The following CISD3 variants were observed in gnomAD, a reference collection of about 807,000 sequenced individuals.
CISD3 encodes the protein CDGSH iron sulfur domain 3, also known as CDGSH iron-sulfur domain-containing protein 3, mitochondrial.
In CISD3, 11 loss-of-function variants were observed where a neutral mutation model predicts 14.1. The ratio of observed to expected loss-of-function variants is 0.78; its 90% CI spans 0.49 to 1.29. The LOEUF (loss-of-function observed/expected upper bound fraction) is 1.29, where lower values mean the gene tolerates loss of function less well. Ranked by LOEUF, CISD3 falls within the 50% of genes most tolerant of loss-of-function variation. The pLI, the probability that CISD3 is intolerant of heterozygous loss-of-function variation, is 0.00. For synonymous variants in CISD3, 53 were observed against 69.2 expected (o/e 0.77, Z 1.16); for missense variants, 156 against 171.6 (o/e 0.91, Z 0.51).
At chr17:38,731,560 G>T in intron 3 of CISD3, 121 bp downstream of exon 3, 1 of 1,358,072 alleles carries the variant, frequency 7.4e-7, no homozygotes, top group Non-Finnish European at 1.0e-6. Flanking sequence ...CACCAAGGGG[G>T]CTTGGGAACA....
At position 38,735,591 on chromosome 17, in the gene CISD3, G is replaced by C; in HGVS notation, c.*2136G>C. 1 of 1,570,938 alleles carries C rather than the reference G, an allele frequency of 6.4e-7. No individual in the cohort carries two copies. The highest frequency in any genetic ancestry group is 1.2e-5 in the South Asian group (1 of 86,024). On this transcript the variant is annotated 3_prime_UTR_variant, in exon 4 of 4. Coordinates refer to ENST00000613478, the MANE Select transcript of CISD3 (RefSeq NM_001136498.2). ...GGCTGGACACGGTACTTGAGGGGGA[G>C]AGGCCCGTTCTGCGGGGAGAGTGGG...
rs1906507917 is a variant in CISD3 at position 38,734,334 on chromosome 17, C to G, written c.*879C>G. 6.6e-6 allele frequency: 1 copy of G among 152,468 alleles called. No individual in the cohort carries two copies. Among genetic ancestry groups the G allele is most frequent in the Admixed American group, 6.6e-5 (1 of 15,256 alleles). The allele number at this position is 152,468 out of a possible 1,614,324, so 9.4% of individuals were successfully genotyped here. ...GTGCTTGTGTGAGGTTAACCCACCC[C>G]CACTTCCACTCTAGGCCCCAGGTGA... On this transcript the variant is annotated 3_prime_UTR_variant, in exon 4 of 4. Transcript: ENST00000613478.
rs770456452 is a variant in CISD3 at position 38,733,287 on chromosome 17, C to T, written c.216C>T (p.Asp72=). Residue 72 remains aspartate (D), a synonymous_variant, in exon 4 of 4, where the codon GAC becomes GAT. Coordinates refer to ENST00000613478, the MANE Select transcript of CISD3 (RefSeq NM_001136498.2). ...CGRSKKQPFC[D]GSHFFQRTGL... ...CTTTCCCCCACCAGCCCTTCTGTGACGGCTCCCACTTCTTCCAACGCACTG... is the reference window on the plus strand; with the variant it reads ...CTTTCCCCCACCAGCCCTTCTGTGATGGCTCCCACTTCTTCCAACGCACTG... 3.8e-5 allele frequency: 59 copies of T among 1,551,526 alleles called. No individual in the cohort carries two copies. The highest frequency in any genetic ancestry group is 2.4e-4 in the Admixed American group (12 of 50,986).
chr17:38,734,995 T>G lies in CISD3; in HGVS notation c.*1540T>G. ...CATTTTCCACACATACACACACACA[T>G]AAAGTTTGTTTCCTGTGGCATTTAA... On this transcript the variant is annotated 3_prime_UTR_variant, in exon 4 of 4. Transcript: ENST00000613478. The G allele has an allele frequency of 4.8e-5, 16 of 331,768 alleles. No individual in the cohort carries two copies. Among genetic ancestry groups the G allele is most frequent in the East Asian group, 9.3e-5 (2 of 21,516 alleles). The allele number at this position is 331,768 out of a possible 1,614,324, so 20.6% of individuals were successfully genotyped here.
chr17:38,733,310 C>T lies in CISD3; in HGVS notation c.239C>T (p.Thr80Ile). 1 of 1,551,760 alleles carries T rather than the reference C, an allele frequency of 6.4e-7. No individual in the cohort carries two copies. Among genetic ancestry groups the T allele is most frequent in the Non-Finnish European group, 8.7e-7 (1 of 1,146,992 alleles). ...FCDGSHFFQR[T>I]GLSPLKFKAQ... ...GACGGCTCCCACTTCTTCCAACGCA[C>T]TGGCCTATCTCCACTCAAGTTCAAG... is the stretch of plus-strand genomic sequence containing the variant. Residue 80 changes from threonine to isoleucine, a missense_variant, in exon 4 of 4, where the codon ACT becomes ATT. Transcript: ENST00000613478.
intron 3 of CISD3, among the ~76,000 whole-genome samples, chr17:38,731,651 G>A (rs889820105): frequency 4.6e-5 from 7 of 152,202 alleles, no homozygotes; most frequent in South Asian, 2.1e-4. Context: ...ACTCAGTCAC[G>A]CAGCCAGCCT....
At position 38,732,961 on chromosome 17, in the gene CISD3, ACACACACT is replaced by A. The variant is rs546257255; in HGVS notation, c.205-309_205-302del. ...GAGACACACACACACACACACACAC[ACACACACT>A]CACACTCTATTAGTGTCCTGGCCCT... On this transcript the variant is annotated intron_variant, in intron 3 of 3. Transcript: ENST00000613478. 7.8e-4 allele frequency among the ~76,000 whole-genome samples: 91 copies of A among 117,268 alleles called. 2 individuals are homozygous for A. The highest frequency in any genetic ancestry group is 1.6e-3 in the African/African-American group (55 of 33,516). The allele number at this position is 117,268 out of a possible 152,430, so 76.9% of individuals were successfully genotyped here. A position where few individuals can be genotyped will look rare whatever the true frequency, so the allele number is the denominator to read the frequency against.
chr17:38,735,384 GC>G lies in CISD3; in HGVS notation c.*1932del, dbSNP rs997368031. The G allele has an allele frequency of 6.4e-7, 1 of 1,567,440 alleles. No individual in the cohort carries two copies. On this transcript the variant is annotated 3_prime_UTR_variant, in exon 4 of 4. Transcript: ENST00000613478. ...GGGGAGGTAGGGTGGGTGGCTGGAG[GC>G]CCATGGGAACTGGGAGAGCCATGGG...
intron 3 of CISD3, chr17:38,731,693 G>C: frequency 2.0e-6 from 1 of 508,052 alleles, no homozygotes; most frequent in South Asian, 2.6e-5. Flanking sequence ...GGCTCTTCTG[G>C]AGCTGTTTGT....
At position 38,735,001 on chromosome 17, in the gene CISD3, T is replaced by C. The variant is rs976161308; in HGVS notation, c.*1546T>C. 2 of 372,916 alleles carry C rather than the reference T, an allele frequency of 5.4e-6. No individual in the cohort carries two copies. The highest frequency in any genetic ancestry group is 9.5e-6 in the Non-Finnish European group (2 of 210,864). 23.1% of individuals were successfully genotyped at this position (372,916 alleles called of 1,614,324 possible). On this transcript the variant is annotated 3_prime_UTR_variant, in exon 4 of 4. Transcript: ENST00000613478. Reference sequence around the variant, plus strand: ...CCACACATACACACACACATAAAGTTTGTTTCCTGTGGCATTTAAATTAAT... The same window carrying C: ...CCACACATACACACACACATAAAGTCTGTTTCCTGTGGCATTTAAATTAAT...
Position 38,735,106 on chromosome 17 carries a change from G to GC in CISD3, c.*1657dup, listed in dbSNP as rs907363730. On this transcript the variant is annotated 3_prime_UTR_variant, in exon 4 of 4. Coordinates refer to ENST00000613478, the MANE Select transcript of CISD3 (RefSeq NM_001136498.2). ...ATATATATATTTATTTATAAAACCC[G>GC]CCCCCCACCCCCAAGGTGGGAAGAG... is the stretch of plus-strand genomic sequence containing the variant. 1.2e-5 allele frequency: 9 copies of GC among 726,382 alleles called. No homozygotes were observed. The Admixed American group carries it at 1.6e-4, about 13-fold the overall frequency. The allele number at this position is 726,382 out of a possible 1,614,324, so 45.0% of individuals were successfully genotyped here.
chr17:38,730,607 T>A, intron 1 of CISD3, 153 bp from the exon 2 acceptor site: 1 of 879,672 alleles, frequency 1.1e-6, no homozygotes, highest in Non-Finnish European at 1.8e-6. Context: ...TCTTGCGACC[T>A]TTTTCTTACC....
chr17:38,734,983 T>TAC lies in CISD3; in HGVS notation c.*1538_*1539dup, dbSNP rs977965137. 2.8e-6 allele frequency: 1 copy of TAC among 351,390 alleles called. No individual in the cohort carries two copies. The highest frequency in any genetic ancestry group is 5.1e-6 in the Non-Finnish European group (1 of 197,872). The allele number at this position is 351,390 out of a possible 1,614,324, so 21.8% of individuals were successfully genotyped here. ...AAAAATGAACACCATTTTCCACACA[T>TAC]ACACACACACATAAAGTTTGTTTCC... On this transcript the variant is annotated 3_prime_UTR_variant, in exon 4 of 4. Transcript: ENST00000613478.
intron 3 of CISD3, chr17:38,731,927 G>T: frequency 6.3e-6 from 1 of 157,676 alleles, no homozygotes; most frequent in Non-Finnish European, 1.4e-5. Context: ...AGACACATTG[G>T]GAAGAGATTC....
At position 38,734,990 on chromosome 17, in the gene CISD3, A is replaced by T. The variant is rs1306647349; in HGVS notation, c.*1535A>T. On this transcript the variant is annotated 3_prime_UTR_variant, in exon 4 of 4. Coordinates refer to ENST00000613478, the MANE Select transcript of CISD3 (RefSeq NM_001136498.2). ...AACACCATTTTCCACACATACACAC[A>T]CACATAAAGTTTGTTTCCTGTGGCA... is the stretch of plus-strand genomic sequence containing the variant. 2.7e-6 allele frequency: 1 copy of T among 365,176 alleles called. No homozygotes were observed. Among genetic ancestry groups the T allele is most frequent in the Non-Finnish European group, 4.9e-6 (1 of 205,910 alleles). 22.6% of individuals were successfully genotyped at this position (365,176 alleles called of 1,614,324 possible).
rs79390481 is a variant in CISD3, at chr17:38,731,475, G to C, written c.204+36G>C. ...TGTCTGCCTTCCTACTGATACCTCT[G>C]GCTAGGAACAGCCTGGTGTCTCCAG... On this transcript the variant is annotated intron_variant, in intron 3 of 3. Transcript: ENST00000613478. 2,400 of 1,551,146 alleles carry C rather than the reference G, an allele frequency of 1.5e-3. 39 individuals carry two copies. The African/African-American group carries it at 0.03, about 19-fold the overall frequency.
Position 38,730,378 on chromosome 17 carries a change from T to C in CISD3, c.20T>C (p.Ile7Thr), listed in dbSNP as rs2143729708. MRGAGA[I>T]LRPAARGARD... ...GCGACCATGCGCGGCGCGGGGGCGATCCTGCGGCCGGCGGCGCGTGGTGCC... is the reference window on the plus strand; with the variant it reads ...GCGACCATGCGCGGCGCGGGGGCGACCCTGCGGCCGGCGGCGCGTGGTGCC... Residue 7 changes from isoleucine to threonine, a missense_variant, in exon 1 of 4, where the codon ATC becomes ACC. Transcript: ENST00000613478. The C allele has an allele frequency of 8.4e-7, 1 of 1,196,512 alleles. No individual in the cohort carries two copies. The highest frequency in any genetic ancestry group is 3.5e-5 in the East Asian group (1 of 28,634). 74.1% of individuals were successfully genotyped at this position (1,196,512 alleles called of 1,614,324 possible). A position where few individuals can be genotyped will look rare whatever the true frequency, so the allele number is the denominator to read the frequency against.
Position 38,731,658 on chromosome 17 carries a change from G to T in CISD3, c.204+219G>T. Reference sequence around the variant, plus strand: ...AGACAGAAACTCAGTCACGCAGCCAGCCTGGTGTGGCCAGGCTTCCAGTGG... The same window carrying T: ...AGACAGAAACTCAGTCACGCAGCCATCCTGGTGTGGCCAGGCTTCCAGTGG... On this transcript the variant is annotated intron_variant, in intron 3 of 3. Transcript: ENST00000613478. 5.2e-6 allele frequency: 3 copies of T among 581,024 alleles called. No homozygotes were observed. In the South Asian group the frequency reaches 6.6e-5, roughly 13 times the overall value. 36.0% of individuals were successfully genotyped at this position (581,024 alleles called of 1,614,324 possible).
At chr17:38,731,179 T>G in intron 2 of CISD3, 141 bp from the exon 3 acceptor site, 2 of 1,169,536 alleles carry the variant, frequency 1.7e-6, no homozygotes, top group East Asian at 2.6e-5. Context: ...GGAACGGTCT[T>G]GTTGGGTGGC....
Sources: allele counts gnomAD v4.1 joint callset (sites outside exome capture counted in the v4.1 genomes callset), GRCh38; gene constraint gnomAD v4.1.1; transcripts MANE v1.5; gene names NCBI Gene and HGNC (gene_info 2026-07-23, HGNC 2026-07-21).